The following DAB1 variants were observed in gnomAD, a reference collection of about 807,000 sequenced individuals.
The protein encoded by DAB1 is disabled homolog 1.
In DAB1, 15 loss-of-function variants were observed where a neutral mutation model predicts 64.6. That is an observed-to-expected ratio of 0.23 (90% confidence interval 0.16 to 0.36). The LOEUF (loss-of-function observed/expected upper bound fraction) is 0.36. Among genes scored for constraint, DAB1 ranks in the 10% least tolerant of loss-of-function variants. The pLI is 1.00. For missense variants in DAB1, 596 were observed against 706.7 expected, an observed-to-expected ratio of 0.84 and a Z score of 1.78; for synonymous variants, 235 against 251.9, an observed-to-expected ratio of 0.93 and a Z score of 0.64.
intron 9 of DAB1, among the ~76,000 whole-genome samples, chr1:57,050,007 C>G (rs918777837): frequency 2.6e-5 from 4 of 152,164 alleles, no homozygotes; most frequent in African/African-American, 9.7e-5. Flanking sequence ...GCAGTGCTCT[C>G]TCTCTGGTCC....
In DAB1 at chr1:58,288,027, A is replaced by AG. The variant is rs1661729016; in HGVS notation, n.309+55324_309+55325insC. ...ACAGAGCAAGACTGCCTCAAAAAAA[A>AG]AAAAAAAAAAAAAAAAAAGAAAAAA... On this transcript the variant is annotated intron_variant and non_coding_transcript_variant, in intron 4 of 20. Transcript: ENST00000485760. Among the ~76,000 whole-genome samples, 5 of 136,372 alleles carry AG rather than the reference A, an allele frequency of 3.7e-5. 1 individual carries two copies. In the South Asian group the frequency reaches 1.3e-3, roughly 35 times the overall value. The allele number at this position is 136,372 out of a possible 152,430, so 89.5% of individuals were successfully genotyped here.
At chr1:58,119,077 C>T (rs1388104882) in intron 5 of DAB1, among the ~76,000 whole-genome samples, 1 of 152,114 alleles carries the variant, frequency 6.6e-6, no homozygotes, top group African/African-American at 2.4e-5. Context: ...GCAAACTGCT[C>T]AGCACAATAC....
chr1:57,403,161 A>G (rs948741520), intron 1 of DAB1, among the ~76,000 whole-genome samples: 2 of 152,094 alleles, frequency 1.3e-5, no homozygotes, highest in African/African-American at 2.4e-5. Flanking sequence ...TATGAATTCT[A>G]CCTCCTCAAT....
intron 6 of DAB1, among the ~76,000 whole-genome samples, chr1:57,796,439 A>C (rs1399918494): frequency 1.3e-5 from 2 of 152,080 alleles, no homozygotes; most frequent in Admixed American, 1.3e-4. Flanking sequence ...AGGCAGGAGA[A>C]CGGCATGAAC....
At chr1:57,890,456 C>CTTTTTT (rs71246207) in intron 5 of DAB1, among the ~76,000 whole-genome samples, 147 of 136,590 alleles carry the variant, frequency 1.1e-3, no homozygotes, top group African/African-American at 1.4e-3. Context: ...CTTTTCTTTT[C>CTTTTTT]TTTTTTTTTT....
chr1:58,394,262 G>A (rs976229948), intron 3 of DAB1, among the ~76,000 whole-genome samples: 1 of 152,210 alleles, frequency 6.6e-6, no homozygotes, highest in Non-Finnish European at 1.5e-5. Context: ...TGCATTGCCA[G>A]TGCTAATGGA....
At chr1:58,164,481 T>C (rs1282539761) in intron 4 of DAB1, among the ~76,000 whole-genome samples, 1 of 152,232 alleles carries the variant, frequency 6.6e-6, no homozygotes, top group African/African-American at 2.4e-5. Context: ...AGAACAGGCA[T>C]TTAATGCAAA....
At chr1:57,089,051 C>G (rs902867682) in intron 4 of DAB1, among the ~76,000 whole-genome samples, 5 of 152,210 alleles carry the variant, frequency 3.3e-5, no homozygotes, top group African/African-American at 1.2e-4. Flanking sequence ...AACACCTATG[C>G]TTTTTGTGAC....
intron 7 of DAB1, among the ~76,000 whole-genome samples, chr1:57,638,457 C>T (rs937018241): frequency 4.6e-5 from 7 of 152,306 alleles, no homozygotes; most frequent in African/African-American, 1.7e-4. Context: ...AGTCCCTGCT[C>T]TTCCCCAGAT....
intron 5 of DAB1, among the ~76,000 whole-genome samples, chr1:57,986,883 G>A (rs113478760): frequency 7.2e-5 from 11 of 152,190 alleles, no homozygotes; most frequent in Admixed American, 2.0e-4. Context: ...CCCTACATTC[G>A]TTGTCTTATT....
intron 2 of DAB1, among the ~76,000 whole-genome samples, chr1:57,162,858 T>A (rs970637980): frequency 1.3e-5 from 2 of 152,248 alleles, no homozygotes; most frequent in African/African-American, 2.4e-5. Flanking sequence ...AATTATTTAC[T>A]GAGAAGGCTG....
intron 1 of DAB1, among the ~76,000 whole-genome samples, chr1:57,347,016 C>A (rs1012604798): frequency 6.6e-6 from 1 of 151,998 alleles, no homozygotes; most frequent in African/African-American, 2.4e-5. Flanking sequence ...CAAAATATAC[C>A]TTTTCTAATG....
chr1:58,360,848 A>G (rs2100525340), intron 3 of DAB1, among the ~76,000 whole-genome samples: 2 of 152,362 alleles, frequency 1.3e-5, no homozygotes, highest in East Asian at 3.9e-4. Flanking sequence ...AATACTCAAA[A>G]TCTCATCACT....
At chr1:58,180,577 G>A (rs1196211111) in intron 4 of DAB1, among the ~76,000 whole-genome samples, 3 of 152,088 alleles carry the variant, frequency 2.0e-5, no homozygotes, top group East Asian at 3.9e-4. Flanking sequence ...TTACAGGGAT[G>A]AGCCACTGTG....
At chr1:57,633,205 C>T (rs1256840848) in intron 7 of DAB1, among the ~76,000 whole-genome samples, 3 of 152,174 alleles carry the variant, frequency 2.0e-5, no homozygotes, top group African/African-American at 4.8e-5. Context: ...TCTAACACTA[C>T]AGGGCCAAGG....
At chr1:58,371,907 G>A (rs560998959) in intron 3 of DAB1, among the ~76,000 whole-genome samples, 2 of 152,354 alleles carry the variant, frequency 1.3e-5, no homozygotes, top group South Asian at 4.1e-4. Context: ...GATTTCAGAG[G>A]ATGTATGAAA....
intron 3 of DAB1, among the ~76,000 whole-genome samples, chr1:58,372,603 T>C (rs187026202): frequency 5.9e-5 from 9 of 152,198 alleles, no homozygotes; most frequent in African/African-American, 1.7e-4. Flanking sequence ...AGGAGAAGAA[T>C]AATATGGTTT....
chr1:58,343,802 G>T (rs1201260102), intron 3 of DAB1, among the ~76,000 whole-genome samples: 1 of 152,210 alleles, frequency 6.6e-6, no homozygotes, highest in Non-Finnish European at 1.5e-5. Context: ...ATAAGATAAT[G>T]ATATGAAATG....
At chr1:57,560,653 T>A (rs1645039684) in intron 7 of DAB1, among the ~76,000 whole-genome samples, 1 of 152,154 alleles carries the variant, frequency 6.6e-6, no homozygotes, top group Non-Finnish European at 1.5e-5. Flanking sequence ...TCCAGAACAG[T>A]AGAAGGTTCT....
Sources: gnomAD v4.1 joint callset for allele counts (sites outside exome capture counted in the v4.1 genomes callset) on GRCh38, gnomAD v4.1.1 for gene constraint, MANE v1.5 for transcripts, NCBI Gene and HGNC (gene_info 2026-07-23, HGNC 2026-07-21) for gene names.